The following NCKAP5 variants were observed in gnomAD, a reference collection of about 807,000 sequenced individuals.
The protein encoded by NCKAP5 is NCK associated protein 5.
Under a neutral mutation model 167.0 loss-of-function variants are expected in NCKAP5, and 92 were observed. The ratio of observed to expected loss-of-function variants is 0.55; its 90% CI spans 0.47 to 0.66. The LOEUF is 0.66. Ranked by LOEUF, NCKAP5 falls within the 30% of genes least tolerant of loss-of-function variation. The pLI is 0.00. For missense variants in NCKAP5, 2,378 were observed against 2,315.0 expected (o/e 1.03, Z -0.56); for synonymous variants, 891 against 877.4 (o/e 1.02, Z -0.27).
chr2:132,901,073 T>C (rs1451412499), intron 8 of NCKAP5, among the ~76,000 whole-genome samples: 2 of 152,064 alleles, frequency 1.3e-5, no homozygotes, highest in African/African-American at 2.4e-5. Flanking sequence ...ACATCTCTAC[T>C]TTTTGCTTTT....
intron 3 of NCKAP5, among the ~76,000 whole-genome samples, chr2:133,314,266 A>G (rs1028517564): frequency 2.6e-5 from 4 of 152,138 alleles, no homozygotes; most frequent in Non-Finnish European, 5.9e-5. Context: ...ATTTCTAGAA[A>G]CCAGGGTTTC....
Position 132,860,503 on chromosome 2 carries a change from G to A in NCKAP5, c.796C>T (p.Leu266=), listed in dbSNP as rs372509684. 8 of 1,575,570 alleles carry A rather than the reference G, an allele frequency of 5.1e-6. No individual in the cohort carries two copies. In the African/African-American group the frequency reaches 9.4e-5, roughly 19 times the overall value. ...FQQRVRPTSD[L]LLQKLHSRLL... ...AGATAAACACATACCTGGAGGAGCA[G>A]ATCAGAAGTGGGTCTGACTCGCTGT... The change falls in exon 11 of 20, where the codon CTG becomes TTG. Residue 266 remains leucine, a synonymous_variant. Transcript: ENST00000409261.
chr2:133,187,745 C>A (rs1289926481), intron 5 of NCKAP5, among the ~76,000 whole-genome samples: 1 of 151,920 alleles, frequency 6.6e-6, no homozygotes, highest in African/African-American at 2.4e-5. Flanking sequence ...CCTTCTTTGT[C>A]TCTTTTGATC....
chr2:132,739,106 C>T (rs34151019), intron 16 of NCKAP5, among the ~76,000 whole-genome samples: 8,633 of 152,236 alleles, frequency 0.057, 349 homozygotes, highest in Non-Finnish European at 0.089. Flanking sequence ...ATTTCCAGCA[C>T]TATTTCAGTT....
rs1276860841 is a variant in NCKAP5, at chr2:133,408,994, T to C, written c.70-105884A>G. 2.6e-5 allele frequency among the ~76,000 whole-genome samples: 4 copies of C among 152,218 alleles called. No homozygotes were observed. In the East Asian group the frequency reaches 5.8e-4, roughly 22 times the overall value. On this transcript the variant is annotated intron_variant, in intron 3 of 19. Coordinates refer to ENST00000409261, the MANE Select transcript of NCKAP5 (RefSeq NM_207363.3). The stretch of plus-strand genomic sequence containing the variant: ...TGAATGAGGAATAAATGTTGAATAC[T>C]GTAAGCCACTTAATTTTTTCCTGGG...
chr2:132,752,652 A>T (rs911634264), intron 16 of NCKAP5, among the ~76,000 whole-genome samples: 2 of 152,228 alleles, frequency 1.3e-5, no homozygotes, highest in African/African-American at 2.4e-5. Context: ...TTATCCTGTT[A>T]AAATCTAATT....
intron 5 of NCKAP5, among the ~76,000 whole-genome samples, chr2:133,200,061 CTTTT>C (rs70973417): frequency 2.7e-5 from 3 of 109,394 alleles, no homozygotes; most frequent in Non-Finnish European, 3.6e-5. Context: ...TTTTTTCTTT[CTTTT>C]TTTTTTTTTT....
At chr2:132,935,109 G>T (rs116466551) in intron 8 of NCKAP5, among the ~76,000 whole-genome samples, 2 of 152,290 alleles carry the variant, frequency 1.3e-5, no homozygotes, top group South Asian at 2.1e-4. Flanking sequence ...GGAAGTGAAG[G>T]CTCCCTGGGA....
chr2:133,298,961 G>A (rs1473603282), intron 4 of NCKAP5, among the ~76,000 whole-genome samples: 6 of 151,814 alleles, frequency 4.0e-5, no homozygotes, highest in African/African-American at 1.2e-4. Flanking sequence ...GCAACATGAC[G>A]CATGTATACA....
chr2:133,480,388 T>A (rs956602730), intron 3 of NCKAP5, among the ~76,000 whole-genome samples: 4 of 151,780 alleles, frequency 2.6e-5, no homozygotes, highest in Non-Finnish European at 4.4e-5. Context: ...TGAAGGAGTA[T>A]CTGTTGGTTT....
intron 3 of NCKAP5, among the ~76,000 whole-genome samples, chr2:133,343,660 G>A (rs1188195482): frequency 2.0e-5 from 3 of 152,140 alleles, no homozygotes; most frequent in African/African-American, 7.2e-5. Context: ...TGCAAACTAT[G>A]TCCAGATACT....
chr2:133,008,801 A>T (rs1029051597), intron 6 of NCKAP5, among the ~76,000 whole-genome samples: 1 of 152,190 alleles, frequency 6.6e-6, no homozygotes, highest in Non-Finnish European at 1.5e-5. Flanking sequence ...AACAAAACAA[A>T]ACAAAAATGA....
chr2:133,509,004 T>G (rs911481625), intron 3 of NCKAP5, among the ~76,000 whole-genome samples: 1 of 152,246 alleles, frequency 6.6e-6, no homozygotes, highest in African/African-American at 2.4e-5. Flanking sequence ...CTACCTCTGA[T>G]GCTGGCAGAC....
chr2:132,742,181 G>T (rs1364736735), intron 16 of NCKAP5, among the ~76,000 whole-genome samples: 1 of 151,984 alleles, frequency 6.6e-6, no homozygotes, highest in Non-Finnish European at 1.5e-5. Context: ...ATAGACACAG[G>T]TGGCTATTAT....
At chr2:133,160,650 G>A (rs1348623277) in intron 5 of NCKAP5, among the ~76,000 whole-genome samples, 11 of 151,968 alleles carry the variant, frequency 7.2e-5, no homozygotes, top group South Asian at 2.1e-4. Context: ...GACCAGCATC[G>A]AAAGCTCTTC....
chr2:133,457,642 T>A (rs919346438), intron 3 of NCKAP5, among the ~76,000 whole-genome samples: 3 of 152,088 alleles, frequency 2.0e-5, no homozygotes, highest in East Asian at 1.9e-4. Flanking sequence ...GTAATACAGA[T>A]CAAAATTAAC....
At chr2:133,457,636 T>A (rs1317646810) in intron 3 of NCKAP5, among the ~76,000 whole-genome samples, 2 of 152,114 alleles carry the variant, frequency 1.3e-5, no homozygotes, top group African/African-American at 4.8e-5. Context: ...CAATCAGTAA[T>A]ACAGATCAAA....
At chr2:133,025,148 C>T (rs1157839352) in intron 6 of NCKAP5, among the ~76,000 whole-genome samples, 4 of 152,206 alleles carry the variant, frequency 2.6e-5, no homozygotes, top group Admixed American at 1.3e-4. Context: ...TTTTCTCCAA[C>T]TTATTCCTCC....
chr2:133,078,684 A>G (rs1344824562), intron 6 of NCKAP5, among the ~76,000 whole-genome samples: 3 of 152,178 alleles, frequency 2.0e-5, no homozygotes, highest in Non-Finnish European at 4.4e-5. Flanking sequence ...CCTCCTATTT[A>G]GATCACTGGC....
Sources: gnomAD v4.1 joint callset for allele counts (sites outside exome capture counted in the v4.1 genomes callset) on GRCh38, gnomAD v4.1.1 for gene constraint, MANE v1.5 for transcripts, NCBI Gene and HGNC (gene_info 2026-07-23, HGNC 2026-07-21) for gene names.